SULF1: variants seen among roughly 807,000 people sequenced by gnomAD.
SULF1 encodes the protein extracellular sulfatase Sulf-1.
A neutral mutation model predicts 110.5 loss-of-function variants in SULF1; 46 were observed. The ratio of observed to expected loss-of-function variants is 0.42; its 90% CI spans 0.33 to 0.53. SULF1 has a LOEUF of 0.53. SULF1 is among the 20% of genes least tolerant of loss of function. The probability of loss-of-function intolerance (pLI) is 0.12; values close to 1 mark genes in which losing one functional copy is unlikely to be tolerated. For synonymous variants in SULF1, 371 were observed against 387.1 expected, an observed-to-expected ratio of 0.96 and a Z score of 0.49; for missense variants, 941 against 1,094.2, an observed-to-expected ratio of 0.86 and a Z score of 1.98.
chr8:69,588,122 A>G (rs1686566359), intron 7 of SULF1, among the ~76,000 whole-genome samples: 1 of 152,204 alleles, frequency 6.6e-6, no homozygotes, highest in African/African-American at 2.4e-5. Flanking sequence ...GCTCCAAGCC[A>G]ATGACACACA....
chr8:69,565,172 A>C (rs1297853772), intron 5 of SULF1, among the ~76,000 whole-genome samples: 1 of 152,146 alleles, frequency 6.6e-6, no homozygotes, highest in Non-Finnish European at 1.5e-5. Context: ...AAATGCGCTA[A>C]AAAGCCAGCA....
intron 3 of SULF1, among the ~76,000 whole-genome samples, chr8:69,543,287 G>A (rs1813989840): frequency 6.6e-6 from 1 of 152,050 alleles, no homozygotes; most frequent in East Asian, 1.9e-4. Context: ...GTAAACCTGT[G>A]CCATGGTGGT....
Position 69,493,107 on chromosome 8 carries a change from G to T in SULF1, c.-409G>T, listed in dbSNP as rs2150556845. The T allele has an allele frequency of 6.5e-6, 1 of 152,768 alleles. No homozygotes were observed. Among genetic ancestry groups the T allele is most frequent in the East Asian group, 1.9e-4 (1 of 5,182 alleles). The allele number at this position is 152,768 out of a possible 1,614,324, so 9.5% of individuals were successfully genotyped here. A position where few individuals can be genotyped will look rare whatever the true frequency, so the allele number is the denominator to read the frequency against. On this transcript the variant is annotated 5_prime_UTR_variant, in exon 1 of 23. Transcript: ENST00000402687. Reference sequence around the variant, plus strand: ...TTCCCAGAGCTTTTTCTCTAGAGAAGATTTTGAAGGCGGCTTTTGTAAGTA... The same window carrying T: ...TTCCCAGAGCTTTTTCTCTAGAGAATATTTTGAAGGCGGCTTTTGTAAGTA...
intron 14 of SULF1, among the ~76,000 whole-genome samples, chr8:69,621,945 C>A (rs1039430242): frequency 6.6e-6 from 1 of 152,158 alleles, no homozygotes; most frequent in African/African-American, 2.4e-5. Context: ...ATGGTGATTT[C>A]TTTCTATACT....
At chr8:69,608,952 C>T (rs898860524) in intron 13 of SULF1, among the ~76,000 whole-genome samples, 5 of 152,158 alleles carry the variant, frequency 3.3e-5, no homozygotes, top group African/African-American at 1.2e-4. Flanking sequence ...TGCACATGTG[C>T]ATACTGAGGG....
intron 3 of SULF1, among the ~76,000 whole-genome samples, chr8:69,525,600 C>T (rs976221311): frequency 1.3e-5 from 2 of 152,088 alleles, no homozygotes; most frequent in Non-Finnish European, 2.9e-5. Flanking sequence ...CTACAAATAG[C>T]AATATAATAA....
At position 69,600,768 on chromosome 8, in the gene SULF1, C is replaced by A; in HGVS notation, c.885+15C>A. The stretch of plus-strand genomic sequence containing the variant: ...CTGTGGAGAGGGTAAGCACATGAAC[C>A]TACCTCAGTGATAGTTTTTGGCCCA... On this transcript the variant is annotated intron_variant, in intron 9 of 22. Transcript: ENST00000402687. The A allele has an allele frequency of 6.2e-7, 1 of 1,608,794 alleles. No homozygotes were observed. The highest frequency in any genetic ancestry group is 8.5e-7 in the Non-Finnish European group (1 of 1,177,378).
chr8:69,488,178 G>A (rs1050092994), upstream of SULF1, among the ~76,000 whole-genome samples: 3 of 152,162 alleles, frequency 2.0e-5, no homozygotes, highest in Non-Finnish European at 4.4e-5. Flanking sequence ...TTCTAGGGCT[G>A]AGACTCTGGA....
At chr8:69,608,374 C>A (rs1240678894) in intron 13 of SULF1, among the ~76,000 whole-genome samples, 1 of 152,144 alleles carries the variant, frequency 6.6e-6, no homozygotes, top group Non-Finnish European at 1.5e-5. Context: ...TCCTATGAAG[C>A]CAATTAGAAT....
chr8:69,645,163 C>T (rs1222269158), intron 22 of SULF1, among the ~76,000 whole-genome samples: 1 of 152,154 alleles, frequency 6.6e-6, no homozygotes, highest in Admixed American at 6.5e-5. Flanking sequence ...CCAGCCAAAG[C>T]TCGGCCATGA....
At chr8:69,504,490 G>A (rs1246775908) in intron 3 of SULF1, among the ~76,000 whole-genome samples, 1 of 152,140 alleles carries the variant, frequency 6.6e-6, no homozygotes, top group African/African-American at 2.4e-5. Context: ...GGGAGGCGGA[G>A]GTTGCAGTGA....
At chr8:69,588,813 C>T (rs947820603) in intron 7 of SULF1, among the ~76,000 whole-genome samples, 159 bp from the exon 8 acceptor site, 1 of 152,118 alleles carries the variant, frequency 6.6e-6, no homozygotes, top group Non-Finnish European at 1.5e-5. Context: ...TCTCTATTAT[C>T]GAAAATGTTC....
intron 1 of SULF1, among the ~76,000 whole-genome samples, chr8:69,487,557 A>G (rs888978762): frequency 6.6e-6 from 1 of 152,206 alleles, no homozygotes; most frequent in Admixed American, 6.5e-5. Flanking sequence ...GACAGAATCT[A>G]TCTCTGAAAA....
At chr8:69,640,933 G>A in intron 22 of SULF1, 92 bp downstream of exon 22, 1 of 1,271,860 alleles carries the variant, frequency 7.9e-7, no homozygotes, top group Non-Finnish European at 1.1e-6. Flanking sequence ...TTACCGTGTT[G>A]CACAGAGCAA....
chr8:69,588,909 CA>C, intron 7 of SULF1, 62 bp from the exon 8 acceptor site: 1 of 1,519,732 alleles, frequency 6.6e-7, no homozygotes, highest in Non-Finnish European at 9.0e-7. Flanking sequence ...AGCAGTTATT[CA>C]AATGCGATCT....
chr8:69,479,569 C>T (rs1286013551), intron 1 of SULF1, among the ~76,000 whole-genome samples: 1 of 152,110 alleles, frequency 6.6e-6, no homozygotes, highest in Non-Finnish European at 1.5e-5. Context: ...GTTGTTGTTG[C>T]TTCAATAACT....
intron 19 of SULF1, among the ~76,000 whole-genome samples, chr8:69,630,943 T>C: frequency 6.6e-6 from 1 of 152,060 alleles, no homozygotes; most frequent in Non-Finnish European, 1.5e-5. Flanking sequence ...GTATTAGGTA[T>C]ATCTCCTAAT....
At chr8:69,601,529 A>T in intron 9 of SULF1, 125 bp from the exon 10 acceptor site, 1 of 768,286 alleles carries the variant, frequency 1.3e-6, no homozygotes, top group South Asian at 2.9e-5. Flanking sequence ...GGATAATGTT[A>T]TTAAAGCAAC....
intron 13 of SULF1, among the ~76,000 whole-genome samples, chr8:69,616,056 A>C (rs1332185022): frequency 6.6e-6 from 1 of 150,986 alleles, no homozygotes; most frequent in African/African-American, 2.4e-5. Context: ...ATATATATAC[A>C]CACACATATA....
Sources: gnomAD v4.1 joint callset for allele counts (sites outside exome capture counted in the v4.1 genomes callset) on GRCh38, gnomAD v4.1.1 for gene constraint, MANE v1.5 for transcripts, NCBI Gene and HGNC (gene_info 2026-07-23, HGNC 2026-07-21) for gene names.